The following MYO5B variants were observed in gnomAD, a reference collection of about 807,000 sequenced individuals.
MYO5B encodes unconventional myosin-Vb.
Under a neutral mutation model 229.3 loss-of-function variants are expected in MYO5B, and 143 were observed. That is an observed-to-expected ratio of 0.62 (90% confidence interval 0.54 to 0.72). MYO5B has a LOEUF of 0.72. MYO5B is among the 30% of genes least tolerant of loss of function. MYO5B has a pLI of 0.00. For synonymous variants in MYO5B, 918 were observed against 885.2 expected (o/e 1.04, Z -0.66); for missense variants, 2,321 against 2,331.0 (o/e 1.00, Z 0.09).
At chr18:50,187,296 C>A (rs1250650028) in intron 1 of MYO5B, among the ~76,000 whole-genome samples, 3 of 152,182 alleles carry the variant, frequency 2.0e-5, no homozygotes, top group Non-Finnish European at 2.9e-5. Context: ...AAATTCCATT[C>A]TTCAATAAAA....
intron 14 of MYO5B, among the ~76,000 whole-genome samples, chr18:49,944,233 T>C (rs966784733): frequency 6.6e-6 from 1 of 152,128 alleles, no homozygotes; most frequent in Admixed American, 6.5e-5. Context: ...ATGAGGAAAC[T>C]GAGACTTAGG....
At position 50,178,171 on chromosome 18, in the gene MYO5B, G is replaced by A. The variant is rs146208436; in HGVS notation, c.27+16596C>T. Among the ~76,000 whole-genome samples the A allele has an allele frequency of 1.4e-3, 220 of 152,204 alleles. 1 individual carries two copies. The highest frequency in any genetic ancestry group is 4.8e-3 in the African/African-American group (200 of 41,544). On this transcript the variant is annotated intron_variant, in intron 1 of 39. Transcript: ENST00000285039. The stretch of plus-strand genomic sequence containing the variant: ...GCTGTGGGGAGAGGGTAGTTGTGGC[G>A]CACACAATCAGCTGAAAGTGACCAT...
chr18:50,126,557 A>G (rs1197815862), intron 1 of MYO5B: 1 of 154,852 alleles, frequency 6.5e-6, no homozygotes, highest in Non-Finnish European at 1.5e-5. Context: ...AGCAAACCCC[A>G]CATGTCACTC....
chr18:49,935,467 G>T (rs2025239153), intron 16 of MYO5B, among the ~76,000 whole-genome samples: 1 of 152,174 alleles, frequency 6.6e-6, no homozygotes, highest in Non-Finnish European at 1.5e-5. Context: ...AGGTCTCATG[G>T]GTGGATGAGA....
intron 21 of MYO5B, among the ~76,000 whole-genome samples, chr18:49,896,216 C>A (rs568898040): frequency 1.3e-5 from 2 of 152,242 alleles, no homozygotes; most frequent in East Asian, 3.9e-4. Flanking sequence ...GTGACCAGTA[C>A]GGCAATGCAC....
chr18:49,975,645 C>G (rs2025741859), intron 9 of MYO5B, among the ~76,000 whole-genome samples: 1 of 152,166 alleles, frequency 6.6e-6, no homozygotes, highest in Admixed American at 6.5e-5. Context: ...GGAAGATCAT[C>G]TGGAACACTT....
intron 4 of MYO5B, among the ~76,000 whole-genome samples, chr18:50,007,836 T>C (rs997758263): frequency 6.6e-6 from 1 of 152,220 alleles, no homozygotes; most frequent in African/African-American, 2.4e-5. Context: ...ATGAGACTCT[T>C]AGTATATAGA....
At chr18:50,075,600 G>C (rs1467566534) in intron 1 of MYO5B, among the ~76,000 whole-genome samples, 1 of 152,162 alleles carries the variant, frequency 6.6e-6, no homozygotes, top group Non-Finnish European at 1.5e-5. Context: ...CTAGATCCTA[G>C]TGTGAGGTCC....
intron 4 of MYO5B, among the ~76,000 whole-genome samples, chr18:50,032,865 T>C (rs1230391142): frequency 6.6e-6 from 1 of 152,100 alleles, no homozygotes; most frequent in African/African-American, 2.4e-5. Flanking sequence ...CAGGTACCTT[T>C]AATCCTAGTT....
intron 17 of MYO5B, among the ~76,000 whole-genome samples, chr18:49,917,116 T>A (rs959345683): frequency 6.6e-6 from 1 of 152,178 alleles, no homozygotes; most frequent in African/African-American, 2.4e-5. Context: ...GAGTCCACTG[T>A]GGGACAGAGA....
chr18:49,906,290 GA>G (rs1231154264), intron 19 of MYO5B, 128 bp downstream of exon 19: 1 of 906,640 alleles, frequency 1.1e-6, no homozygotes, highest in African/African-American at 1.6e-5. Context: ...GAAAAGCCAA[GA>G]TGCAGACATG....
chr18:50,153,059 A>G (rs1197694003), intron 1 of MYO5B, among the ~76,000 whole-genome samples: 1 of 152,200 alleles, frequency 6.6e-6, no homozygotes, highest in Non-Finnish European at 1.5e-5. Flanking sequence ...TGTCTTATTG[A>G]CATAGCTATA....
At chr18:50,015,223 C>A (rs1272269603) in intron 4 of MYO5B, among the ~76,000 whole-genome samples, 2 of 152,154 alleles carry the variant, frequency 1.3e-5, no homozygotes, top group African/African-American at 2.4e-5. Context: ...TCTTAACTAT[C>A]TTGTGCATTG....
chr18:50,083,219 C>A (rs981267487), intron 1 of MYO5B, among the ~76,000 whole-genome samples: 1 of 152,206 alleles, frequency 6.6e-6, no homozygotes, highest in Non-Finnish European at 1.5e-5. Context: ...CTGGGTGTAC[C>A]ACCCTCCCAG....
At chr18:50,014,278 GA>G (rs374397757) in intron 4 of MYO5B, among the ~76,000 whole-genome samples, 188 of 55,560 alleles carry the variant, frequency 3.4e-3, no homozygotes, top group African/African-American at 7.6e-3. Flanking sequence ...GATGAGAAAG[GA>G]AAAAAAAAAA....
At chr18:49,840,578 A>G (rs190592629) in intron 35 of MYO5B, 4 of 152,380 alleles carry the variant, frequency 2.6e-5, no homozygotes. Context: ...GTGGATGGTG[A>G]GATATGTGAA....
intron 1 of MYO5B, among the ~76,000 whole-genome samples, chr18:50,123,492 T>C (rs1790443): frequency 0.98 from 149,216 of 152,306 alleles, 73,172 homozygotes; most frequent in East Asian, 1. Context: ...CGATGGAGGA[T>C]AAGGTGGGAA....
At chr18:49,988,511 A>G (rs973547135) in intron 7 of MYO5B, among the ~76,000 whole-genome samples, 46 of 152,222 alleles carry the variant, frequency 3.0e-4, no homozygotes, top group Admixed American at 5.9e-4. Flanking sequence ...TTTAACCTCA[A>G]TATGACTCAT....
At chr18:50,055,097 G>C (rs1398128140) in intron 2 of MYO5B, among the ~76,000 whole-genome samples, 171 bp downstream of exon 2, 1 of 152,116 alleles carries the variant, frequency 6.6e-6, no homozygotes, top group Non-Finnish European at 1.5e-5. Flanking sequence ...CAGCTTCCTG[G>C]CTTAGCACTT....
Sources: gnomAD v4.1 joint callset for allele counts (sites outside exome capture counted in the v4.1 genomes callset) on GRCh38, gnomAD v4.1.1 for gene constraint, MANE v1.5 for transcripts, NCBI Gene and HGNC (gene_info 2026-07-23, HGNC 2026-07-21) for gene names.